UGGT2: variants seen among roughly 807,000 people sequenced by gnomAD.
The protein encoded by UGGT2 is UDP-glucose glycoprotein glucosyltransferase 2.
A neutral mutation model predicts 192.1 loss-of-function variants in UGGT2; 180 were observed. The observed-to-expected ratio is 0.94, with a 90% confidence interval of 0.83 to 1.06. The LOEUF (loss-of-function observed/expected upper bound fraction) is 1.06. UGGT2 is among the 50% of genes least tolerant of loss of function. UGGT2 has a pLI of 0.00. For missense variants in UGGT2, 1,849 were observed against 1,795.7 expected (o/e 1.03, Z -0.54); for synonymous variants, 580 against 591.0 (o/e 0.98, Z 0.27).
chr13:95,902,290 G>A (rs7332078), intron 21 of UGGT2, among the ~76,000 whole-genome samples: 124,570 of 152,054 alleles, frequency 0.82, 51,260 homozygotes, highest in East Asian at 0.93. Flanking sequence ...CCCTTTAAAA[G>A]TACATACTGC....
intron 1 of UGGT2, among the ~76,000 whole-genome samples, chr13:96,052,915 G>A (rs1366452965): frequency 6.6e-6 from 1 of 152,226 alleles, no homozygotes; most frequent in Non-Finnish European, 1.5e-5. Context: ...GGGCAGGGAA[G>A]CTTTAAAAAT....
chr13:95,985,252 A>C, intron 9 of UGGT2: 1 of 1,255,524 alleles, frequency 8.0e-7, no homozygotes, highest in Non-Finnish European at 1.1e-6. Context: ...TATATATTTC[A>C]TGTTTTATTA....
intron 36 of UGGT2, among the ~76,000 whole-genome samples, chr13:95,839,342 GTC>G (rs1453209925): frequency 1.3e-5 from 2 of 151,946 alleles, no homozygotes; most frequent in African/African-American, 4.8e-5. Flanking sequence ...TCTACTTTCT[GTC>G]TCTACGAATT....
intron 38 of UGGT2, among the ~76,000 whole-genome samples, chr13:95,810,474 T>C (rs1394645528): frequency 1.3e-5 from 2 of 152,260 alleles, no homozygotes; most frequent in African/African-American, 2.4e-5. Flanking sequence ...CTTTTAATAA[T>C]AGACTTGTGG....
chr13:95,839,488 A>C (rs1887637886), intron 36 of UGGT2, among the ~76,000 whole-genome samples: 3 of 152,178 alleles, frequency 2.0e-5, no homozygotes, highest in African/African-American at 7.2e-5. Flanking sequence ...TTTTACAGCC[A>C]AATAATATTC....
intron 38 of UGGT2, among the ~76,000 whole-genome samples, chr13:95,832,233 G>C (rs933908241): frequency 1.3e-5 from 2 of 151,984 alleles, no homozygotes; most frequent in Non-Finnish European, 2.9e-5. Context: ...ACACTGACCC[G>C]AACACAATAG....
intron 17 of UGGT2, among the ~76,000 whole-genome samples, chr13:95,927,573 T>C (rs900173920): frequency 1.3e-5 from 2 of 152,084 alleles, no homozygotes; most frequent in African/African-American, 4.8e-5. Flanking sequence ...GTAGTAACCA[T>C]TTCTTGAGCA....
intron 36 of UGGT2, among the ~76,000 whole-genome samples, chr13:95,838,813 G>A (rs1282484334): frequency 4.0e-5 from 6 of 151,872 alleles, no homozygotes; most frequent in Admixed American, 3.9e-4. Flanking sequence ...AACTCAAATG[G>A]TTATATACTA....
chr13:95,851,153 A>C (rs898953526), intron 36 of UGGT2, among the ~76,000 whole-genome samples: 7 of 152,224 alleles, frequency 4.6e-5, no homozygotes, highest in Non-Finnish European at 8.8e-5. Flanking sequence ...TGTTAGAATT[A>C]GGTGGCTTCC....
chr13:95,884,708 T>C (rs779726010), intron 26 of UGGT2, 28 bp from the exon 27 acceptor site: 69 of 1,568,212 alleles, frequency 4.4e-5, no homozygotes, highest in Non-Finnish European at 5.6e-5. Context: ...AAATACATAA[T>C]GTGACCAAAA....
chr13:95,855,673 G>C (rs528368185), intron 34 of UGGT2, among the ~76,000 whole-genome samples: 1 of 152,106 alleles, frequency 6.6e-6, no homozygotes, highest in East Asian at 1.9e-4. Flanking sequence ...ACAGGCATAA[G>C]CTGGCCAAAT....
chr13:95,824,270 G>A (rs918761035), intron 38 of UGGT2, among the ~76,000 whole-genome samples: 4 of 152,088 alleles, frequency 2.6e-5, no homozygotes, highest in African/African-American at 9.7e-5. Flanking sequence ...GTGTGCTTCG[G>A]TGATGATCTT....
chr13:95,971,960 G>A (rs2050786565), intron 11 of UGGT2, among the ~76,000 whole-genome samples: 1 of 152,058 alleles, frequency 6.6e-6, no homozygotes, highest in Admixed American at 6.6e-5. Context: ...AAAGTATCAT[G>A]TATCCTAAGT....
chr13:95,807,716 C>CTTTTT lies in UGGT2; in HGVS notation c.4529-5909_4529-5905dup. ...GTATCTTGAAACCCTCAGCCCTCAC[C>CTTTTT]TTTTTTTTTTTTTTTTTTTGCCGTA... On this transcript the variant is annotated intron_variant, in intron 38 of 38. Transcript: ENST00000376747. Among the ~76,000 whole-genome samples the CTTTTT allele has an allele frequency of 1.0e-3, 80 of 78,672 alleles. 7 individuals are homozygous for CTTTTT. Among genetic ancestry groups the CTTTTT allele is most frequent in the Middle Eastern group, 7.0e-3 (1 of 142 alleles). 51.6% of individuals were successfully genotyped at this position (78,672 alleles called of 152,430 possible). A position where few individuals can be genotyped will look rare whatever the true frequency, so the allele number is the denominator to read the frequency against.
At chr13:95,874,714 C>T (rs1891513965) in intron 29 of UGGT2, among the ~76,000 whole-genome samples, 1 of 151,834 alleles carries the variant, frequency 6.6e-6, no homozygotes, top group Non-Finnish European at 1.5e-5. Flanking sequence ...TATTTTGAGA[C>T]AGGGTCTCAC....
In UGGT2 at chr13:95,917,012, G is replaced by A. The variant is rs1265346224; in HGVS notation, c.2295+8668C>T. Among the ~76,000 whole-genome samples the A allele has an allele frequency of 2.6e-5, 4 of 152,178 alleles. No homozygotes were observed. In the South Asian group the frequency reaches 8.3e-4, roughly 32 times the overall value. ...CAGGAGAACTTCCCCAATCTAGCAG[G>A]AAAAGACAACATTTAAATTCAGGAA... On this transcript the variant is annotated intron_variant, in intron 20 of 38. Coordinates refer to ENST00000376747, the MANE Select transcript of UGGT2 (RefSeq NM_020121.4).
At position 95,853,582 on chromosome 13, in the gene UGGT2, A is replaced by G. The variant is rs1390652730; in HGVS notation, c.4245T>C (p.Ala1415=). 2 of 1,611,460 alleles carry G rather than the reference A, an allele frequency of 1.2e-6. No individual in the cohort carries two copies. The highest frequency in any genetic ancestry group is 1.3e-5 in the African/African-American group (1 of 74,794). ...AGDRLRSQYQ[A]LSQDPNSLSN... Reference sequence around the variant, plus strand: ...AAAGACTGTTTGGATCTTGACTGAGAGCTTGATACTGGCTCCTGAGCCTGT... The same window carrying G: ...AAAGACTGTTTGGATCTTGACTGAGGGCTTGATACTGGCTCCTGAGCCTGT... Residue 1415 remains alanine (A), a synonymous_variant, in exon 36 of 39, where the codon GCT becomes GCC. Coordinates refer to ENST00000376747, the MANE Select transcript of UGGT2 (RefSeq NM_020121.4).
chr13:96,020,959 T>C (rs943028720), intron 4 of UGGT2, among the ~76,000 whole-genome samples: 62 of 152,344 alleles, frequency 4.1e-4, no homozygotes, highest in African/African-American at 1.4e-3. Flanking sequence ...GCAAGCAGTA[T>C]AAGCGTTACT....
At chr13:95,838,673 C>A (rs944150710) in intron 36 of UGGT2, among the ~76,000 whole-genome samples, 1 of 151,886 alleles carries the variant, frequency 6.6e-6, no homozygotes, top group Non-Finnish European at 1.5e-5. Flanking sequence ...TTTTGTAAAC[C>A]TAAGACTGCT....
Sources: allele counts gnomAD v4.1 joint callset (sites outside exome capture counted in the v4.1 genomes callset), GRCh38; gene constraint gnomAD v4.1.1; transcripts MANE v1.5; gene names NCBI Gene and HGNC (gene_info 2026-07-23, HGNC 2026-07-21).